The following LRMDA variants were observed in gnomAD, a reference collection of about 807,000 sequenced individuals.
The protein encoded by LRMDA is leucine rich melanocyte differentiation associated.
A neutral mutation model predicts 29.8 loss-of-function variants in LRMDA; 18 were observed. The ratio of observed to expected loss-of-function variants is 0.60; its 90% CI spans 0.42 to 0.90. The LOEUF (loss-of-function observed/expected upper bound fraction) is 0.90. LRMDA is among the 40% of genes least tolerant of loss of function. The pLI, the probability that LRMDA is intolerant of heterozygous loss-of-function variation, is 0.00. For missense variants in LRMDA, 273 were observed against 273.9 expected, an observed-to-expected ratio of 1.00 and a Z score of 0.02; for synonymous variants, 125 against 109.4, an observed-to-expected ratio of 1.14 and a Z score of -0.89.
At chr10:76,339,135 AAC>A (rs1373394440) in intron 6 of LRMDA, among the ~76,000 whole-genome samples, 3 of 152,116 alleles carry the variant, frequency 2.0e-5, no homozygotes, top group Non-Finnish European at 4.4e-5. Flanking sequence ...ACCTGTATGA[AAC>A]AGTCACAAAT....
At chr10:75,586,218 C>T (rs1840652900) in intron 2 of LRMDA, among the ~76,000 whole-genome samples, 1 of 152,002 alleles carries the variant, frequency 6.6e-6, no homozygotes. Context: ...ATTGCTGGAT[C>T]ATATGATAGT....
chr10:76,344,447 A>G (rs1300848957), intron 6 of LRMDA, among the ~76,000 whole-genome samples: 1 of 152,208 alleles, frequency 6.6e-6, no homozygotes, highest in African/African-American at 2.4e-5. Context: ...ACTCAAGATC[A>G]TAAATATGTC....
At chr10:75,994,739 A>G (rs989570075) in intron 2 of LRMDA, among the ~76,000 whole-genome samples, 1 of 152,232 alleles carries the variant, frequency 6.6e-6, no homozygotes, top group Admixed American at 6.5e-5. Flanking sequence ...TTGTCCTTTT[A>G]GAAATTATCC....
At chr10:75,471,707 C>T (rs1844728719) in intron 2 of LRMDA, among the ~76,000 whole-genome samples, 1 of 152,178 alleles carries the variant, frequency 6.6e-6, no homozygotes, top group Non-Finnish European at 1.5e-5. Flanking sequence ...TTACCTCATG[C>T]TGACGTACTT....
chr10:76,169,320 C>T (rs989892711), intron 5 of LRMDA, among the ~76,000 whole-genome samples: 1 of 152,136 alleles, frequency 6.6e-6, no homozygotes, highest in Non-Finnish European at 1.5e-5. Flanking sequence ...GAGTTTCATC[C>T]TATAAGGAAA....
intron 5 of LRMDA, among the ~76,000 whole-genome samples, chr10:76,157,843 C>T (rs1850567403): frequency 6.6e-6 from 1 of 151,990 alleles, no homozygotes; most frequent in African/African-American, 2.4e-5. Context: ...TAATACAAAC[C>T]TAGATGGTAT....
intron 6 of LRMDA, among the ~76,000 whole-genome samples, chr10:76,512,298 G>A (rs1044411216): frequency 2.0e-5 from 3 of 152,054 alleles, no homozygotes; most frequent in Non-Finnish European, 4.4e-5. Flanking sequence ...GTGTGAAAAC[G>A]GACTAATACA....
intron 2 of LRMDA, among the ~76,000 whole-genome samples, chr10:75,961,716 A>G (rs1348961883): frequency 6.6e-6 from 1 of 152,208 alleles, no homozygotes; most frequent in Non-Finnish European, 1.5e-5. Flanking sequence ...TGACTTTAAC[A>G]CTAATGCTTT....
intron 2 of LRMDA, among the ~76,000 whole-genome samples, chr10:75,974,144 T>C (rs1936893282): frequency 6.6e-6 from 1 of 152,170 alleles, no homozygotes. Context: ...CTTTCTTCTG[T>C]TAATTTCCCC....
intron 2 of LRMDA, among the ~76,000 whole-genome samples, chr10:75,925,700 T>C (rs1325578328): frequency 6.6e-6 from 1 of 151,578 alleles, no homozygotes; most frequent in Non-Finnish European, 1.5e-5. Context: ...AGAGTCTCGC[T>C]GGAGTGCAGT....
At chr10:75,989,016 C>T (rs1032411773) in intron 2 of LRMDA, among the ~76,000 whole-genome samples, 1 of 152,194 alleles carries the variant, frequency 6.6e-6, no homozygotes, top group Non-Finnish European at 1.5e-5. Context: ...TTTCTCTCTA[C>T]AGCCTCAGAG....
chr10:75,709,705 G>A (rs1005372299), intron 2 of LRMDA, among the ~76,000 whole-genome samples: 2 of 152,158 alleles, frequency 1.3e-5, no homozygotes, highest in Admixed American at 6.6e-5. Context: ...TTGCTCACAT[G>A]CTTAGTTGTG....
intron 2 of LRMDA, among the ~76,000 whole-genome samples, chr10:75,778,439 C>A (rs528723685): frequency 5.9e-5 from 9 of 152,192 alleles, no homozygotes; most frequent in South Asian, 2.1e-4. Flanking sequence ...TGTGAGTATT[C>A]CTAGCTCACT....
intron 5 of LRMDA, among the ~76,000 whole-genome samples, chr10:76,274,263 A>T (rs531187714): frequency 6.6e-6 from 1 of 152,280 alleles, no homozygotes; most frequent in South Asian, 2.1e-4. Context: ...TCCCATCTAA[A>T]CTTGCTGCAC....
At chr10:76,165,709 G>C (rs1850727194) in intron 5 of LRMDA, among the ~76,000 whole-genome samples, 1 of 152,124 alleles carries the variant, frequency 6.6e-6, no homozygotes, top group Non-Finnish European at 1.5e-5. Flanking sequence ...TGAAGGAGGG[G>C]AATAGCCCCT....
chr10:75,847,104 T>C (rs1282595795), intron 2 of LRMDA, among the ~76,000 whole-genome samples: 6 of 152,134 alleles, frequency 3.9e-5, no homozygotes, highest in African/African-American at 9.7e-5. Flanking sequence ...AGTTTCGAAA[T>C]GTATTACAAA....
At chr10:76,031,146 TGG>T (rs995315094) in intron 2 of LRMDA, among the ~76,000 whole-genome samples, 73 of 152,320 alleles carry the variant, frequency 4.8e-4, no homozygotes, top group African/African-American at 1.7e-3. Context: ...TAGTGGGCAT[TGG>T]CCTCCTAGTT....
chr10:75,669,266 C>T (rs1399263614), intron 2 of LRMDA, among the ~76,000 whole-genome samples: 2 of 152,172 alleles, frequency 1.3e-5, no homozygotes, highest in Non-Finnish European at 2.9e-5. Flanking sequence ...TGATAAGGGA[C>T]AGAGCAGTAT....
intron 6 of LRMDA, among the ~76,000 whole-genome samples, chr10:76,451,241 G>T (rs184328156): frequency 1.3e-5 from 2 of 151,240 alleles, no homozygotes; most frequent in East Asian, 3.9e-4. Flanking sequence ...TCGCTCTATC[G>T]CCCAGGCTGG....
Sources: allele counts gnomAD v4.1 joint callset (sites outside exome capture counted in the v4.1 genomes callset), GRCh38; gene constraint gnomAD v4.1.1; transcripts MANE v1.5; gene names NCBI Gene and HGNC (gene_info 2026-07-23, HGNC 2026-07-21).